The following VSTM2L variants were observed in gnomAD, a reference collection of about 807,000 sequenced individuals.
VSTM2L encodes the protein V-set and transmembrane domain containing 2 like.
In VSTM2L, 9 loss-of-function variants were observed where a neutral mutation model predicts 19.9. The observed-to-expected ratio is 0.45, with a 90% CI of 0.27 to 0.79. VSTM2L has a LOEUF of 0.79. Among genes scored for constraint, VSTM2L ranks in the 30% least tolerant of loss-of-function variants. The pLI, the probability that VSTM2L is intolerant of heterozygous loss-of-function variation, is 0.15. For missense variants in VSTM2L, 286 were observed against 295.5 expected (o/e 0.97, Z 0.24); for synonymous variants, 127 against 133.8 (o/e 0.95, Z 0.35).
chr20:37,924,072 A>T (rs904026596), intron 1 of VSTM2L, among the ~76,000 whole-genome samples: 3 of 152,026 alleles, frequency 2.0e-5, no homozygotes, highest in Non-Finnish European at 2.9e-5. Flanking sequence ...CCCTGTCTCT[A>T]CAAAAATTTT....
chr20:37,904,092 C>T (rs917955117), intron 1 of VSTM2L, among the ~76,000 whole-genome samples: 2 of 152,252 alleles, frequency 1.3e-5, no homozygotes, highest in Non-Finnish European at 1.5e-5. Context: ...CAGCCCTATA[C>T]CACTGGAAAG....
In VSTM2L at chr20:37,933,532, C is replaced by G. The variant is rs765565562; in HGVS notation, c.292-7C>G. The G allele has an allele frequency of 1.2e-6, 2 of 1,613,588 alleles. No individual in the cohort carries two copies. On this transcript the variant is annotated splice_polypyrimidine_tract_variant and splice_region_variant and intron_variant, in intron 2 of 3. Transcript: ENST00000373461. ...CTGCTCTCTCCGCCCCTCCCCGATC[C>G]CAACAGCTAAAAGCATCTCAGCAGG...
intron 3 of VSTM2L, among the ~76,000 whole-genome samples, chr20:37,938,526 G>T (rs987931031): frequency 6.6e-6 from 1 of 152,190 alleles, no homozygotes; most frequent in South Asian, 2.1e-4. Context: ...TTCTTCTGGC[G>T]TGGCTGGAAG....
chr20:37,917,825 G>C (rs546391694), intron 1 of VSTM2L, among the ~76,000 whole-genome samples: 1 of 152,364 alleles, frequency 6.6e-6, no homozygotes, highest in South Asian at 2.1e-4. Flanking sequence ...GCCGTTGATG[G>C]CGTGCGGCCC....
chr20:37,924,011 A>G (rs931900260), intron 1 of VSTM2L, among the ~76,000 whole-genome samples: 1 of 152,122 alleles, frequency 6.6e-6, no homozygotes, highest in Non-Finnish European at 1.5e-5. Context: ...CTGAGGCAGA[A>G]GGATTGCTTG....
Position 37,944,190 on chromosome 20 carries a change from G to A in VSTM2L, c.552G>A (p.Pro184=), listed in dbSNP as rs772532053. The change falls in exon 4 of 4, where the codon CCG becomes CCA. Residue 184 remains proline (P), a synonymous_variant. Transcript: ENST00000373461. ...CCCCTCCCGCCGCGCCCGCCCCGCC[G>A]CCCCCCAAGCCAGGCAAGGAGCTGA... ...PEAPPAAPAP[P]PPKPGKELRK... is the part of the protein sequence containing the mutation. The A allele has an allele frequency of 4.6e-5, 47 of 1,030,860 alleles. No homozygotes were observed. Among genetic ancestry groups the A allele is most frequent in the Middle Eastern group, 3.5e-4 (1 of 2,822 alleles). 63.9% of individuals were successfully genotyped at this position (1,030,860 alleles called of 1,614,324 possible). A position where few individuals can be genotyped will look rare whatever the true frequency, so the allele number is the denominator to read the frequency against.
intron 3 of VSTM2L, 63 bp from the exon 4 acceptor site, chr20:37,943,918 C>CGCCT: frequency 1.1e-6 from 1 of 871,874 alleles, no homozygotes; most frequent in Non-Finnish European, 1.5e-6. Flanking sequence ...ACCCCCCCCC[C>CGCCT]CGACTCTTCT....
At chr20:37,942,848 C>T (rs368579724) in intron 3 of VSTM2L, among the ~76,000 whole-genome samples, 136 of 152,302 alleles carry the variant, frequency 8.9e-4, no homozygotes, top group South Asian at 2.1e-3. Flanking sequence ...AGTACAAAGA[C>T]GAATATAACA....
At chr20:37,924,945 G>A (rs965115244) in intron 1 of VSTM2L, among the ~76,000 whole-genome samples, 4 of 152,134 alleles carry the variant, frequency 2.6e-5, no homozygotes, top group African/African-American at 7.2e-5. Context: ...CGTGGATCTT[G>A]GTCACAACTG....
chr20:37,905,404 T>A (rs1023084738), intron 1 of VSTM2L, among the ~76,000 whole-genome samples: 2 of 152,034 alleles, frequency 1.3e-5, no homozygotes, highest in African/African-American at 4.8e-5. Context: ...AAAAGCAGGG[T>A]CTGTCTGCCC....
intron 1 of VSTM2L, among the ~76,000 whole-genome samples, chr20:37,917,205 T>C (rs2122949618): frequency 6.6e-6 from 1 of 152,100 alleles, no homozygotes; most frequent in South Asian, 2.1e-4. Flanking sequence ...TCCCAGCTTC[T>C]TGGGAGGCTG....
chr20:37,924,676 T>TGAGCAGCAGCAG, intron 1 of VSTM2L, among the ~76,000 whole-genome samples: 1 of 151,706 alleles, frequency 6.6e-6, no homozygotes, highest in Middle Eastern at 3.4e-3. Context: ...ATCATCATAA[T>TGAGCAGCAGCAG]CAGCAGCAGC....
chr20:37,918,374 C>T (rs145037235), intron 1 of VSTM2L, among the ~76,000 whole-genome samples: 1 of 152,344 alleles, frequency 6.6e-6, no homozygotes, highest in Non-Finnish European at 1.5e-5. Context: ...AAAGTCTCTG[C>T]TGGTGCTTCT....
At chr20:37,940,435 T>C (rs1272347087) in intron 3 of VSTM2L, among the ~76,000 whole-genome samples, 1 of 152,204 alleles carries the variant, frequency 6.6e-6, no homozygotes, top group Admixed American at 6.5e-5. Flanking sequence ...CAGGGAAGGC[T>C]CAGCATGAGG....
At chr20:37,910,387 C>A (rs6021814) in intron 1 of VSTM2L, among the ~76,000 whole-genome samples, 6 of 152,216 alleles carry the variant, frequency 3.9e-5, no homozygotes, top group African/African-American at 1.4e-4. Context: ...ACACTGCATG[C>A]TCCATACTCT....
At chr20:37,903,601 G>C (rs974073522) in intron 1 of VSTM2L, 130 bp downstream of exon 1, 15 of 1,282,094 alleles carry the variant, frequency 1.2e-5, no homozygotes, top group Non-Finnish European at 1.5e-5. Flanking sequence ...CCCCCTGCCG[G>C]CGCGGTGGAC....
At chr20:37,915,765 G>A (rs570045793) in intron 1 of VSTM2L, among the ~76,000 whole-genome samples, 2 of 152,008 alleles carry the variant, frequency 1.3e-5, no homozygotes, top group Admixed American at 1.3e-4. Context: ...GGTCCTGGGT[G>A]GGGGGTCAGG....
chr20:37,938,657 G>T (rs1383739592), intron 3 of VSTM2L, among the ~76,000 whole-genome samples: 1 of 152,258 alleles, frequency 6.6e-6, no homozygotes, highest in Non-Finnish European at 1.5e-5. Context: ...GTTCGGCCTT[G>T]TCTCTTTCAG....
At chr20:37,942,324 A>T (rs889181091) in intron 3 of VSTM2L, among the ~76,000 whole-genome samples, 1 of 152,206 alleles carries the variant, frequency 6.6e-6, no homozygotes, top group Non-Finnish European at 1.5e-5. Context: ...TCAACTAAAA[A>T]TACAAAAATT....
Sources: gnomAD v4.1 joint callset for allele counts (sites outside exome capture counted in the v4.1 genomes callset) on GRCh38, gnomAD v4.1.1 for gene constraint, MANE v1.5 for transcripts, NCBI Gene and HGNC (gene_info 2026-07-23, HGNC 2026-07-21) for gene names.